Variants in CRPPA observed in about 807,000 individuals in gnomAD.
CRPPA encodes the protein D-ribitol-5-phosphate cytidylyltransferase.
CRPPA carries 43 observed loss-of-function variants against 52.0 expected under a neutral mutation model. The observed-to-expected ratio is 0.83, with a 90% CI of 0.65 to 1.07. The LOEUF is 1.07. Among genes scored for constraint, CRPPA ranks in the 50% least tolerant of loss-of-function variants. CRPPA has a pLI of 0.00. For synonymous variants in CRPPA, 250 were observed against 203.5 expected, an observed-to-expected ratio of 1.23 and a Z score of -1.94; for missense variants, 629 against 551.7, an observed-to-expected ratio of 1.14 and a Z score of -1.40.
At chr7:16,413,545 T>A (rs1788119775) in intron 1 of CRPPA, among the ~76,000 whole-genome samples, 2 of 152,218 alleles carry the variant, frequency 1.3e-5, no homozygotes, top group African/African-American at 2.4e-5. Flanking sequence ...TAAATATTTC[T>A]CCTGTCTTCT....
chr7:16,287,498 A>C (rs1308996137), intron 5 of CRPPA, among the ~76,000 whole-genome samples: 1 of 152,182 alleles, frequency 6.6e-6, no homozygotes, highest in Non-Finnish European at 1.5e-5. Context: ...GTTTCCCCCA[A>C]AATTAGCATG....
intron 3 of CRPPA, among the ~76,000 whole-genome samples, chr7:16,315,896 A>T (rs1157860774): frequency 6.6e-6 from 1 of 152,122 alleles, no homozygotes; most frequent in Non-Finnish European, 1.5e-5. Flanking sequence ...CTGTCTCTCC[A>T]GTTTTGAGGA....
chr7:16,407,256 G>T (rs925965077), intron 1 of CRPPA, among the ~76,000 whole-genome samples: 2 of 152,118 alleles, frequency 1.3e-5, no homozygotes, highest in Non-Finnish European at 2.9e-5. Flanking sequence ...GGGATTATAG[G>T]CATGAGCCAC....
At chr7:16,409,179 G>T (rs1054016728) in intron 1 of CRPPA, among the ~76,000 whole-genome samples, 1 of 152,186 alleles carries the variant, frequency 6.6e-6, no homozygotes, top group Admixed American at 6.5e-5. Context: ...TGGAATTATA[G>T]AAGTGAACCC....
At chr7:16,283,711 A>G (rs1784366724) in intron 5 of CRPPA, among the ~76,000 whole-genome samples, 1 of 151,836 alleles carries the variant, frequency 6.6e-6, no homozygotes, top group African/African-American at 2.4e-5. Context: ...AGCTGCATTC[A>G]GTCGCCCATT....
intron 6 of CRPPA, among the ~76,000 whole-genome samples, chr7:16,259,854 T>C (rs527370951): frequency 5.3e-4 from 80 of 152,140 alleles, no homozygotes; most frequent in African/African-American, 1.8e-3. Context: ...TGTAACTCTG[T>C]ACATTATCTA....
At chr7:16,101,650 A>C (rs570801122) in intron 9 of CRPPA, among the ~76,000 whole-genome samples, 2 of 152,132 alleles carry the variant, frequency 1.3e-5, no homozygotes, top group African/African-American at 2.4e-5. Flanking sequence ...ATGTGCAAAA[A>C]TCACAAGCAT....
At chr7:16,172,319 G>A (rs1171056583) in intron 9 of CRPPA, among the ~76,000 whole-genome samples, 1 of 152,134 alleles carries the variant, frequency 6.6e-6, no homozygotes, top group Non-Finnish European at 1.5e-5. Context: ...CTGCTGGGGT[G>A]GGCTCCATCC....
At chr7:16,209,858 C>T (rs1027935740) in intron 9 of CRPPA, among the ~76,000 whole-genome samples, 2 of 152,118 alleles carry the variant, frequency 1.3e-5, no homozygotes, top group Non-Finnish European at 2.9e-5. Context: ...ATTTTAGTAA[C>T]TTGAGAATGG....
chr7:16,251,926 C>T (rs1474846937), intron 8 of CRPPA, among the ~76,000 whole-genome samples: 3 of 152,044 alleles, frequency 2.0e-5, no homozygotes, highest in Non-Finnish European at 4.4e-5. Context: ...TCAAAAAAAT[C>T]AGTGAGTCCA....
chr7:16,379,362 T>C (rs1383715279), intron 2 of CRPPA, among the ~76,000 whole-genome samples: 1 of 152,228 alleles, frequency 6.6e-6, no homozygotes, highest in African/African-American at 2.4e-5. Flanking sequence ...TCTGTTTCGG[T>C]ACCAGTACCA....
At chr7:16,211,377 A>T (rs1222374092) in intron 9 of CRPPA, among the ~76,000 whole-genome samples, 1 of 152,208 alleles carries the variant, frequency 6.6e-6, no homozygotes, top group Non-Finnish European at 1.5e-5. Context: ...ACATTCCCAC[A>T]TCAAAAAAGC....
chr7:16,300,331 T>C (rs1393767834), intron 5 of CRPPA, among the ~76,000 whole-genome samples: 1 of 152,206 alleles, frequency 6.6e-6, no homozygotes, highest in Non-Finnish European at 1.5e-5. Flanking sequence ...GCAGGTTCAG[T>C]ACATTTTTCT....
intron 9 of CRPPA, among the ~76,000 whole-genome samples, chr7:16,133,371 C>T (rs1782712069): frequency 1.6e-5 from 2 of 122,336 alleles, no homozygotes; most frequent in African/African-American, 5.3e-5. Context: ...CACTTACAGA[C>T]AATACACAGC....
At chr7:16,269,055 G>A (rs1784026705) in intron 6 of CRPPA, 1 of 152,162 alleles carries the variant, frequency 6.6e-6, no homozygotes, top group Admixed American at 6.6e-5. Context: ...TGGCCCAGAG[G>A]CGACCTCTTT....
chr7:16,191,529 G>A lies in CRPPA; in HGVS notation c.1251+24537C>T, dbSNP rs75703127. 1.1e-3 allele frequency among the ~76,000 whole-genome samples: 163 copies of A among 152,096 alleles called. 1 individual carries two copies. In the East Asian group the frequency reaches 0.025, roughly 23 times the overall value. ...AGAGGAAGGAATTAAGAATTGCCTC[G>A]GCACTGTGTTTTTACTGTTGTAGCT... On this transcript the variant is annotated intron_variant, in intron 9 of 9. Transcript: ENST00000407010.
chr7:16,099,204 G>C (rs1269200968), intron 9 of CRPPA, among the ~76,000 whole-genome samples: 1 of 151,094 alleles, frequency 6.6e-6, no homozygotes, highest in Admixed American at 6.6e-5. Flanking sequence ...AGTGAGCAAT[G>C]ATTGTGCCAC....
At chr7:16,338,731 T>C (rs1005673887) in intron 3 of CRPPA, among the ~76,000 whole-genome samples, 2 of 151,850 alleles carry the variant, frequency 1.3e-5, no homozygotes, top group Non-Finnish European at 1.5e-5. Flanking sequence ...ATAGATGTAA[T>C]GTCTATTAAG....
At chr7:16,221,873 T>C (rs891638995) in intron 8 of CRPPA, among the ~76,000 whole-genome samples, 2 of 151,232 alleles carry the variant, frequency 1.3e-5, no homozygotes, top group African/African-American at 2.4e-5. Context: ...TCAACCATTG[T>C]GGAAGTCAGT....
Sources: allele counts gnomAD v4.1 joint callset (sites outside exome capture counted in the v4.1 genomes callset), GRCh38; gene constraint gnomAD v4.1.1; transcripts MANE v1.5; gene names NCBI Gene and HGNC (gene_info 2026-07-23, HGNC 2026-07-21).